PTPRD: variants seen among roughly 807,000 people sequenced by gnomAD.
The protein encoded by PTPRD is protein tyrosine phosphatase receptor type D.
A neutral mutation model predicts 214.5 loss-of-function variants in PTPRD; 34 were observed. That is an observed-to-expected ratio of 0.16 (90% confidence interval 0.12 to 0.21). The LOEUF (loss-of-function observed/expected upper bound fraction) is 0.21. PTPRD is among the 10% of genes least tolerant of loss of function. The pLI is 1.00. For synonymous variants in PTPRD, 1,128 were observed against 845.7 expected, an observed-to-expected ratio of 1.33 and a Z score of -5.79; for missense variants, 2,545 against 2,398.7, an observed-to-expected ratio of 1.06 and a Z score of -1.27.
chr9:9,608,762 T>C (rs1224043431), intron 7 of PTPRD, among the ~76,000 whole-genome samples: 1 of 152,196 alleles, frequency 6.6e-6, no homozygotes, highest in African/African-American at 2.4e-5. Context: ...TGCTTCATGA[T>C]TTCTTGACCA....
At chr9:8,920,727 G>C (rs1410493176) in intron 11 of PTPRD, among the ~76,000 whole-genome samples, 2 of 152,170 alleles carry the variant, frequency 1.3e-5, no homozygotes, top group African/African-American at 4.8e-5. Flanking sequence ...GCATTTACAC[G>C]CAATTGATAT....
At chr9:10,006,568 C>T (rs1432486952) in intron 4 of PTPRD, among the ~76,000 whole-genome samples, 1 of 151,928 alleles carries the variant, frequency 6.6e-6, no homozygotes, top group Non-Finnish European at 1.5e-5. Flanking sequence ...AGAGAATATG[C>T]ATGAATATAA....
At chr9:8,398,124 C>T (rs188469983) in intron 36 of PTPRD, among the ~76,000 whole-genome samples, 1 of 152,226 alleles carries the variant, frequency 6.6e-6, no homozygotes, top group East Asian at 1.9e-4. Flanking sequence ...CTTAAAAGGG[C>T]CTATCTGTAG....
chr9:9,296,199 C>G (rs187783440), intron 9 of PTPRD, among the ~76,000 whole-genome samples: 1 of 151,814 alleles, frequency 6.6e-6, no homozygotes, highest in Non-Finnish European at 1.5e-5. Flanking sequence ...TGGTTCTGCA[C>G]CATGAACTTG....
rs184553406 is a variant in PTPRD at position 10,173,896 on chromosome 9, G to C, written c.-544-140106C>G. On this transcript the variant is annotated intron_variant, in intron 3 of 45. Transcript: ENST00000381196. ...TGAATGTTAAATTTTAGATAGCCAA[G>C]GTTTGACTTAGTGCTATAATAATGT... Among the ~76,000 whole-genome samples the C allele has an allele frequency of 9.2e-5, 14 of 152,036 alleles. No individual in the cohort carries two copies. In the East Asian group the frequency reaches 2.7e-3, roughly 29 times the overall value.
intron 14 of PTPRD, among the ~76,000 whole-genome samples, chr9:8,603,089 T>C (rs150312629): frequency 2.5e-4 from 38 of 152,320 alleles, no homozygotes; most frequent in Admixed American, 4.6e-4. Flanking sequence ...TAGTATTCTA[T>C]TACCTGCAAG....
chr9:8,470,869 T>C, intron 31 of PTPRD, 126 bp downstream of exon 31: 3 of 782,494 alleles, frequency 3.8e-6, no homozygotes, highest in Non-Finnish European at 6.7e-6. Context: ...CACTGAACCA[T>C]CCAACCAGCT....
At chr9:9,384,983 C>G (rs10816107) in intron 9 of PTPRD, among the ~76,000 whole-genome samples, 35,617 of 151,978 alleles carry the variant, frequency 0.23, 4,262 homozygotes, top group Middle Eastern at 0.37. Context: ...TTTTTCTAAA[C>G]AGTGTTTCAA....
intron 8 of PTPRD, among the ~76,000 whole-genome samples, chr9:9,562,059 G>C (rs2083106202): frequency 6.6e-6 from 1 of 152,118 alleles, no homozygotes; most frequent in Admixed American, 6.5e-5. Context: ...GAGTCTAAAA[G>C]ACATCTGAAA....
At chr9:8,535,667 G>A (rs1474456165) in intron 14 of PTPRD, among the ~76,000 whole-genome samples, 1 of 151,800 alleles carries the variant, frequency 6.6e-6, no homozygotes, top group East Asian at 1.9e-4. Flanking sequence ...AAGGCTATAT[G>A]GCTTTCTTAA....
At chr9:8,746,140 T>C (rs960487636) in intron 11 of PTPRD, among the ~76,000 whole-genome samples, 2 of 152,026 alleles carry the variant, frequency 1.3e-5, no homozygotes, top group East Asian at 1.9e-4. Context: ...CAAGGACATA[T>C]GTTGAGTAAT....
chr9:10,336,767 A>G (rs550443624), intron 3 of PTPRD, among the ~76,000 whole-genome samples: 1 of 151,800 alleles, frequency 6.6e-6, no homozygotes, highest in South Asian at 2.1e-4. Context: ...AAAACAAAAT[A>G]CTAAGGGGAC....
At chr9:9,756,602 T>A (rs1007922350) in intron 6 of PTPRD, among the ~76,000 whole-genome samples, 1 of 152,076 alleles carries the variant, frequency 6.6e-6, no homozygotes, top group South Asian at 2.1e-4. Context: ...AACTGTTTAG[T>A]GGATACAGAG....
intron 9 of PTPRD, among the ~76,000 whole-genome samples, chr9:9,284,064 C>A (rs1314571464): frequency 6.6e-6 from 1 of 151,666 alleles, no homozygotes; most frequent in Non-Finnish European, 1.5e-5. Flanking sequence ...ATATCTCTAA[C>A]ACTAAGTAAA....
intron 9 of PTPRD, among the ~76,000 whole-genome samples, chr9:9,231,589 C>A (rs901830024): frequency 6.6e-6 from 1 of 152,120 alleles, no homozygotes; most frequent in African/African-American, 2.4e-5. Flanking sequence ...ATACTCTCTG[C>A]ACTATATATA....
At chr9:9,215,129 C>A (rs2099951314) in intron 9 of PTPRD, among the ~76,000 whole-genome samples, 1 of 152,132 alleles carries the variant, frequency 6.6e-6, no homozygotes, top group African/African-American at 2.4e-5. Flanking sequence ...CAAACTACAA[C>A]CTAGCAAAAT....
chr9:9,037,954 CT>C (rs1569485782), intron 10 of PTPRD, among the ~76,000 whole-genome samples: 1 of 152,118 alleles, frequency 6.6e-6, no homozygotes, highest in African/African-American at 2.4e-5. Context: ...AACTAATTAA[CT>C]TTTTTGAAAT....
At chr9:8,602,249 T>C (rs1003949804) in intron 14 of PTPRD, among the ~76,000 whole-genome samples, 2 of 152,240 alleles carry the variant, frequency 1.3e-5, no homozygotes, top group Non-Finnish European at 2.9e-5. Flanking sequence ...TTTTCACAAT[T>C]AAGGTGTTTA....
At chr9:10,487,314 G>A (rs1244791179) in intron 2 of PTPRD, among the ~76,000 whole-genome samples, 1 of 151,994 alleles carries the variant, frequency 6.6e-6, no homozygotes, top group Non-Finnish European at 1.5e-5. Context: ...TGATAAGGAA[G>A]GACTTACTCC....
Sources: gnomAD v4.1 joint callset for allele counts (sites outside exome capture counted in the v4.1 genomes callset) on GRCh38, gnomAD v4.1.1 for gene constraint, MANE v1.5 for transcripts, NCBI Gene and HGNC (gene_info 2026-07-23, HGNC 2026-07-21) for gene names.